Variants in TMEM132D observed in about 807,000 individuals in gnomAD.
The protein encoded by TMEM132D is transmembrane protein 132D.
TMEM132D carries 21 observed loss-of-function variants against 62.3 expected under a neutral mutation model. That is an observed-to-expected ratio of 0.34 (90% CI 0.24 to 0.49). TMEM132D has a LOEUF of 0.49. Among genes scored for constraint, TMEM132D ranks in the 20% least tolerant of loss-of-function variants. TMEM132D has a pLI of 0.99. For missense variants in TMEM132D, 1,346 were observed against 1,402.8 expected (o/e 0.96, Z 0.65); for synonymous variants, 621 against 575.6 (o/e 1.08, Z -1.13).
chr12:129,078,701 T>A lies in TMEM132D; in HGVS notation c.1948A>T (p.Ile650Phe), dbSNP rs1874356786. 6.2e-7 allele frequency: 1 copy of A among 1,614,144 alleles called. No individual in the cohort carries two copies. The highest frequency in any genetic ancestry group is 1.1e-5 in the South Asian group (1 of 91,084). Residue 650 changes from isoleucine to phenylalanine, a missense_variant, in exon 8 of 9, where the codon ATC becomes TTC. By Grantham distance (21) the Ile-to-Phe change is conservative. Transcript: ENST00000422113. ...ACAGTGATGGTCTTTTCAGCGAGGATGGTGTCTGACAGAGGAGACAGGATC... is the reference window on the plus strand; with the variant it reads ...ACAGTGATGGTCTTTTCAGCGAGGAAGGTGTCTGACAGAGGAGACAGGATC... ...IQILSPLSDT[I>F]LAEKTITVLD...
chr12:129,722,788 G>A (rs1868889144), intron 1 of TMEM132D, among the ~76,000 whole-genome samples: 1 of 144,086 alleles, frequency 6.9e-6, no homozygotes, highest in African/African-American at 2.6e-5. Flanking sequence ...CACTCAGCCT[G>A]GAGTGCAGTG....
chr12:129,249,932 G>A (rs925728629), intron 4 of TMEM132D, among the ~76,000 whole-genome samples: 3 of 152,168 alleles, frequency 2.0e-5, no homozygotes, highest in Admixed American at 2.0e-4. Context: ...CAGGCCCCGT[G>A]ACCTTAAAGG....
intron 2 of TMEM132D, among the ~76,000 whole-genome samples, chr12:129,545,947 C>A (rs530211943): frequency 9.0e-4 from 137 of 152,318 alleles, no homozygotes; most frequent in Admixed American, 3.0e-3. Context: ...ACATGGGAAT[C>A]ATAGCAGAAG....
chr12:129,876,795 T>G (rs1874428029), intron 1 of TMEM132D, among the ~76,000 whole-genome samples: 1 of 152,166 alleles, frequency 6.6e-6, no homozygotes, highest in Non-Finnish European at 1.5e-5. Context: ...CCACCAAAAG[T>G]CATGAAGCTC....
intron 1 of TMEM132D, among the ~76,000 whole-genome samples, chr12:129,746,001 C>T (rs1299833171): frequency 1.3e-5 from 2 of 152,174 alleles, no homozygotes; most frequent in African/African-American, 4.8e-5. Context: ...AGAAGGCTGA[C>T]ATTCATCCAG....
At chr12:129,382,934 G>T (rs1870995928) in intron 3 of TMEM132D, among the ~76,000 whole-genome samples, 1 of 152,062 alleles carries the variant, frequency 6.6e-6, no homozygotes, top group African/African-American at 2.4e-5. Flanking sequence ...GTTTTCTGTT[G>T]GTCTGGGCTT....
intron 6 of TMEM132D, 72 bp downstream of exon 6, chr12:129,084,425 C>A: frequency 6.9e-7 from 1 of 1,441,322 alleles, no homozygotes; most frequent in Non-Finnish European, 9.3e-7. Context: ...TCCTCAGACC[C>A]AGTCATGCCC....
At chr12:129,330,224 G>T (rs1869060296) in intron 4 of TMEM132D, among the ~76,000 whole-genome samples, 1 of 152,134 alleles carries the variant, frequency 6.6e-6, no homozygotes, top group African/African-American at 2.4e-5. Context: ...AGCTTCACCT[G>T]TAGTTACCTG....
chr12:129,522,185 T>C (rs565164391), intron 3 of TMEM132D, among the ~76,000 whole-genome samples: 3 of 152,174 alleles, frequency 2.0e-5, no homozygotes, highest in African/African-American at 4.8e-5. Flanking sequence ...ACACACATCA[T>C]GGCAGGTGAA....
intron 3 of TMEM132D, among the ~76,000 whole-genome samples, chr12:129,503,015 T>C (rs1593040777): frequency 1.3e-5 from 2 of 152,308 alleles, no homozygotes; most frequent in Middle Eastern, 3.4e-3. Flanking sequence ...TCTGCAATAG[T>C]ACATATCACA....
intron 1 of TMEM132D, among the ~76,000 whole-genome samples, chr12:129,785,949 T>C (rs1198543348): frequency 6.6e-6 from 1 of 152,188 alleles, no homozygotes; most frequent in Non-Finnish European, 1.5e-5. Flanking sequence ...CAGTTTTTTG[T>C]TTTCTAAATT....
intron 1 of TMEM132D, among the ~76,000 whole-genome samples, chr12:129,902,994 T>G (rs1875412754): frequency 6.6e-6 from 1 of 152,126 alleles, no homozygotes; most frequent in South Asian, 2.1e-4. Context: ...GGAAACAGCC[T>G]TCCTTTCCTT....
intron 3 of TMEM132D, among the ~76,000 whole-genome samples, chr12:129,460,140 A>C (rs558197767): frequency 2.9e-4 from 44 of 152,298 alleles, no homozygotes; most frequent in African/African-American, 9.6e-4. Context: ...TGACCCATGA[A>C]ATCATACGGG....
intron 5 of TMEM132D, among the ~76,000 whole-genome samples, chr12:129,178,558 TAAATA>T (rs1877974049): frequency 1.3e-5 from 2 of 152,044 alleles, no homozygotes; most frequent in African/African-American, 2.4e-5. Flanking sequence ...ATTAATAAAT[TAAATA>T]AAATAACATA....
rs567222141 is a variant in TMEM132D, at chr12:129,773,444, G to A, written c.80-72746C>T. 3.9e-5 allele frequency among the ~76,000 whole-genome samples: 6 copies of A among 152,312 alleles called. No individual in the cohort carries two copies. The South Asian group carries it at 8.3e-4, about 21-fold the overall frequency. On this transcript the variant is annotated intron_variant, in intron 1 of 8. Coordinates refer to ENST00000422113, the MANE Select transcript of TMEM132D (RefSeq NM_133448.3). ...GAATCAGCAGAGCCTTCACTCATTG[G>A]AGACACTGGAGGTGAGGGCTGGGAA...
rs141235381 is a variant in TMEM132D, at chr12:129,729,025, G to A, written c.80-28327C>T. On this transcript the variant is annotated intron_variant, in intron 1 of 8. Transcript: ENST00000422113. Reference sequence around the variant, plus strand: ...GTATTTATAAAACAAAAGATTTTATGTAAAAATCTTGACTTAAGCTTTCAT... The same window carrying A: ...GTATTTATAAAACAAAAGATTTTATATAAAAATCTTGACTTAAGCTTTCAT... 3.3e-3 allele frequency among the ~76,000 whole-genome samples: 498 copies of A among 152,236 alleles called. 3 individuals are homozygous for A. Among genetic ancestry groups the A allele is most frequent in the African/African-American group, 0.012 (482 of 41,548 alleles).
intron 4 of TMEM132D, among the ~76,000 whole-genome samples, chr12:129,241,223 C>G (rs1879929980): frequency 6.8e-6 from 1 of 146,646 alleles, no homozygotes; most frequent in South Asian, 2.2e-4. Context: ...AGTGAAGAGA[C>G]AATCCATAGA....
intron 1 of TMEM132D, among the ~76,000 whole-genome samples, chr12:129,780,684 G>A (rs1688395597): frequency 6.6e-6 from 1 of 152,122 alleles, no homozygotes; most frequent in African/African-American, 2.4e-5. Flanking sequence ...GTCCGTAATT[G>A]GTGAATTTCA....
chr12:129,201,849 A>G lies in TMEM132D; in HGVS notation c.1443+7671T>C, dbSNP rs541741019. 1.2e-4 allele frequency among the ~76,000 whole-genome samples: 18 copies of G among 152,304 alleles called. No individual in the cohort carries two copies. The South Asian group carries it at 3.7e-3, about 32-fold the overall frequency. On this transcript the variant is annotated intron_variant, in intron 5 of 8. Coordinates refer to ENST00000422113, the MANE Select transcript of TMEM132D (RefSeq NM_133448.3). ...GTGATATATTTTGGAGTTCTAAATA[A>G]AACACCCTAAGCTAGCGCCAGGCTG...
Sources: allele counts gnomAD v4.1 joint callset (sites outside exome capture counted in the v4.1 genomes callset), GRCh38; gene constraint gnomAD v4.1.1; transcripts MANE v1.5; gene names NCBI Gene and HGNC (gene_info 2026-07-23, HGNC 2026-07-21).